MIEF1: variants seen among roughly 807,000 people sequenced by gnomAD.
MIEF1 encodes mitochondrial elongation factor 1.
MIEF1 carries 14 observed loss-of-function variants against 35.1 expected under a neutral mutation model. The observed-to-expected ratio is 0.40, with a 90% confidence interval of 0.26 to 0.62. The LOEUF is 0.62. Among genes scored for constraint, MIEF1 ranks in the 20% least tolerant of loss-of-function variants. MIEF1 has a pLI of 0.43. For missense variants in MIEF1, 542 were observed against 615.4 expected, an observed-to-expected ratio of 0.88 and a Z score of 1.26; for synonymous variants, 245 against 254.3, an observed-to-expected ratio of 0.96 and a Z score of 0.35.
Position 39,511,366 on chromosome 22 carries a change from C to A in MIEF1, c.72C>A (p.Leu24=), listed in dbSNP as rs758834209. 4 of 1,612,760 alleles carry A rather than the reference C, an allele frequency of 2.5e-6. No individual in the cohort carries two copies. The East Asian group carries it at 8.9e-5, about 36-fold the overall frequency. ...TTGGCACGGCCATTGACTTTGTGCT[C>A]TCCAATGCCCGGCTGGTGCTGGGGG... The part of the protein sequence containing the change: ...NGIGTAIDFV[L]SNARLVLGVG... The change falls in exon 3 of 6, where the codon CTC becomes CTA. Residue 24 remains leucine, a synonymous_variant. Transcript: ENST00000325301.
chr22:39,507,669 G>C (rs1408289665), intron 2 of MIEF1, among the ~76,000 whole-genome samples: 1 of 151,794 alleles, frequency 6.6e-6, no homozygotes, highest in African/African-American at 2.4e-5. Flanking sequence ...TTCGAGACCA[G>C]CCTGGCCAAC....
rs183838689 is a variant in MIEF1 at position 39,509,782 on chromosome 22, A to G, written c.-7-1506A>G. On this transcript the variant is annotated intron_variant, in intron 2 of 5. Transcript: ENST00000325301. ...GTCCATGGAGGGACCTTTCTCACAT[A>G]TGGACGTGTAGTTTCAGTTCCGTGT... 4.8e-4 allele frequency among the ~76,000 whole-genome samples: 73 copies of G among 152,334 alleles called. 1 individual carries two copies. Among genetic ancestry groups the G allele is most frequent in the East Asian group, 4.0e-3 (21 of 5,190 alleles).
chr22:39,514,381 C>G lies in MIEF1; in HGVS notation c.*58C>G. 2.6e-6 allele frequency: 4 copies of G among 1,563,544 alleles called. No homozygotes were observed. The highest frequency in any genetic ancestry group is 1.7e-6 in the Non-Finnish European group (2 of 1,146,758). ...CAGGCCCTGGATTCTCCGTTAGATACACTTGGCTACCTAGTTGGTGCCTCA... is the reference window on the plus strand; with the variant it reads ...CAGGCCCTGGATTCTCCGTTAGATAGACTTGGCTACCTAGTTGGTGCCTCA... On this transcript the variant is annotated 3_prime_UTR_variant, in exon 6 of 6. Coordinates refer to ENST00000325301, the MANE Select transcript of MIEF1 (RefSeq NM_019008.6).
chr22:39,505,578 G>A (rs1929974249), intron 2 of MIEF1, among the ~76,000 whole-genome samples: 1 of 152,146 alleles, frequency 6.6e-6, no homozygotes, highest in Non-Finnish European at 1.5e-5. Context: ...GTTGAGGCTG[G>A]GCCTGGTCTG....
At chr22:39,500,704 CT>C (rs1319749373), upstream of MIEF1, among the ~76,000 whole-genome samples, 1 of 151,030 alleles carries the variant, frequency 6.6e-6, no homozygotes, top group African/African-American at 2.4e-5. Context: ...TTTTCTTTTT[CT>C]TTTTTTTGAG....
In MIEF1 at chr22:39,502,346, C is replaced by T. The variant is rs1011635500; in HGVS notation, c.-431C>T. 6.6e-6 allele frequency: 1 copy of T among 152,346 alleles called. No individual in the cohort carries two copies. Among genetic ancestry groups the T allele is most frequent in the African/African-American group, 2.4e-5 (1 of 41,462 alleles). The allele number at this position is 152,346 out of a possible 1,614,324, so 9.4% of individuals were successfully genotyped here. A position where few individuals can be genotyped will look rare whatever the true frequency, so the allele number is the denominator to read the frequency against. On this transcript the variant is annotated 5_prime_UTR_variant, in exon 1 of 6. Coordinates refer to ENST00000325301, the MANE Select transcript of MIEF1 (RefSeq NM_019008.6). ...CAGCTCCGTGCGCAAGGTCGTGTCC[C>T]GGAAGTGAAGGGGCCATGTTGATGG... is the stretch of plus-strand genomic sequence containing the variant.
Position 39,514,083 on chromosome 22 carries a change from G to C in MIEF1, c.1152G>C (p.Gln384His), listed in dbSNP as rs1930524517. The change falls in exon 6 of 6, where the codon CAG becomes CAC. Residue 384 changes from glutamine (Q) to histidine (H), a missense_variant. Transcript: ENST00000325301. ...CTCTGGGCCACCTCACTGCCAGCCAGCTAACCAATGTCATCCTCCACTTGG... is the reference window on the plus strand; with the variant it reads ...CTCTGGGCCACCTCACTGCCAGCCACCTAACCAATGTCATCCTCCACTTGG... ...TPALGHLTAS[Q>H]LTNVILHLAQ... is the part of the protein sequence containing the mutation. 1 of 1,614,016 alleles carries C rather than the reference G, an allele frequency of 6.2e-7. No homozygotes were observed. Among genetic ancestry groups the C allele is most frequent in the African/African-American group, 1.3e-5 (1 of 74,934 alleles).
At position 39,517,499 on chromosome 22, in the gene MIEF1, T is replaced by C. The variant is rs1246436934; in HGVS notation, c.*3176T>C. ...ACTCCACTCAAGTTGAGAGTTCAAA[T>C]AGTCTTGAAGGGGAATCAGCTTCAG... On this transcript the variant is annotated 3_prime_UTR_variant, in exon 6 of 6. Transcript: ENST00000325301. The C allele has an allele frequency of 2.1e-6, 1 of 470,832 alleles. No homozygotes were observed. The highest frequency in any genetic ancestry group is 1.6e-5 in the South Asian group (1 of 64,516). 29.2% of individuals were successfully genotyped at this position (470,832 alleles called of 1,614,324 possible).
At chr22:39,501,377 C>T (rs754426352), upstream of MIEF1, among the ~76,000 whole-genome samples, 2 of 152,228 alleles carry the variant, frequency 1.3e-5, no homozygotes, top group Non-Finnish European at 1.5e-5. Flanking sequence ...GTAGATATTA[C>T]CTTTTAATCC....
chr22:39,514,134 G>A lies in MIEF1; in HGVS notation c.1203G>A (p.Pro401=), dbSNP rs777865915. ...HLAQEEADWS[P]DMLADRFLQA... ...CCCAGGAGGAGGCTGACTGGTCTCCGGATATGCTGGCCGACCGTTTCCTGC... is the reference window on the plus strand; with the variant it reads ...CCCAGGAGGAGGCTGACTGGTCTCCAGATATGCTGGCCGACCGTTTCCTGC... Residue 401 remains proline, a synonymous_variant, in exon 6 of 6, where the codon CCG becomes CCA. Coordinates refer to ENST00000325301, the MANE Select transcript of MIEF1 (RefSeq NM_019008.6). 34 of 1,614,076 alleles carry A rather than the reference G, an allele frequency of 2.1e-5. No individual in the cohort carries two copies. Among genetic ancestry groups the A allele is most frequent in the South Asian group, 7.7e-5 (7 of 91,088 alleles).
chr22:39,511,077 A>C (rs2232086), intron 2 of MIEF1, among the ~76,000 whole-genome samples: 1 of 152,240 alleles, frequency 6.6e-6, no homozygotes, highest in South Asian at 2.1e-4. Flanking sequence ...TTTTCCTACA[A>C]TACCCAAGAT....
rs1376491682 is a variant in MIEF1 at position 39,512,240 on chromosome 22, TG to T, written c.332del (p.Cys111SerfsTer14). On this transcript the variant is annotated frameshift_variant, in exon 5 of 6. Coordinates refer to ENST00000325301, the MANE Select transcript of MIEF1 (RefSeq NM_019008.6). LOFTEE classifies it high-confidence loss of function. ...DSSTFDTDTF[C>X]PPRPKPVARK... ...CTCTCTTGCCTTGGCAGATACATTC[TG>T]CCCGCCCCGGCCCAAGCCAGTGGCC... 6.2e-7 allele frequency: 1 copy of T among 1,612,516 alleles called. No individual in the cohort carries two copies. Among genetic ancestry groups the T allele is most frequent in the Non-Finnish European group, 8.5e-7 (1 of 1,179,978 alleles).
At chr22:39,508,919 T>C (rs964153904) in intron 2 of MIEF1, among the ~76,000 whole-genome samples, 3 of 152,214 alleles carry the variant, frequency 2.0e-5, no homozygotes, top group Non-Finnish European at 2.9e-5. Flanking sequence ...GAGCGTAAGA[T>C]GTGGAAGCTA....
At position 39,515,609 on chromosome 22, in the gene MIEF1, T is replaced by C. The variant is rs1930624095; in HGVS notation, c.*1286T>C. ...GGGGAGGAGGTGGGCATTTCCTACATTCCTCCTTGTTTGCCGCTGCTGAGA... is the reference window on the plus strand; with the variant it reads ...GGGGAGGAGGTGGGCATTTCCTACACTCCTCCTTGTTTGCCGCTGCTGAGA... On this transcript the variant is annotated 3_prime_UTR_variant, in exon 6 of 6. Transcript: ENST00000325301. 2 of 494,950 alleles carry C rather than the reference T, an allele frequency of 4.0e-6. No individual in the cohort carries two copies. Among genetic ancestry groups the C allele is most frequent in the South Asian group, 6.5e-5 (2 of 30,786 alleles). The allele number at this position is 494,950 out of a possible 1,614,324, so 30.7% of individuals were successfully genotyped here. A position where few individuals can be genotyped will look rare whatever the true frequency, so the allele number is the denominator to read the frequency against.
In MIEF1 at chr22:39,517,522, C is replaced by T. The variant is rs552073093; in HGVS notation, c.*3199C>T. ...AATAGTCTTGAAGGGGAATCAGCTTCAGGATGGAAGGACCCAGGAGAGGCC... is the reference window on the plus strand; with the variant it reads ...AATAGTCTTGAAGGGGAATCAGCTTTAGGATGGAAGGACCCAGGAGAGGCC... On this transcript the variant is annotated 3_prime_UTR_variant, in exon 6 of 6. Transcript: ENST00000325301. The T allele has an allele frequency of 2.1e-6, 1 of 471,096 alleles. No individual in the cohort carries two copies. The highest frequency in any genetic ancestry group is 6.9e-5 in the East Asian group (1 of 14,398). The allele number at this position is 471,096 out of a possible 1,614,324, so 29.2% of individuals were successfully genotyped here.
Position 39,514,015 on chromosome 22 carries a change from C to T in MIEF1, c.1084C>T (p.Leu362=). 1 of 1,613,608 alleles carries T rather than the reference C, an allele frequency of 6.2e-7. No homozygotes were observed. Among genetic ancestry groups the T allele is most frequent in the Non-Finnish European group, 8.5e-7 (1 of 1,180,036 alleles). Reference sequence around the variant, plus strand: ...CCAGGCTGACTCGGGCTGCCGATCTCTGTGCCTCAAGATCCTCAAGGCCAT... The same window carrying T: ...CCAGGCTGACTCGGGCTGCCGATCTTTGTGCCTCAAGATCCTCAAGGCCAT... The part of the protein sequence containing the change: ...LDQADSGCRS[L]CLKILKAICK... Residue 362 remains leucine (L), a synonymous_variant, in exon 6 of 6, where the codon CTG becomes TTG. Transcript: ENST00000325301.
At chr22:39,511,749 A>T in intron 3 of MIEF1, 100 bp from the exon 4 acceptor site, 1 of 1,434,826 alleles carries the variant, frequency 7.0e-7, no homozygotes, top group African/African-American at 1.4e-5. Flanking sequence ...CAAAATTACT[A>T]AAAGAACTTA....
chr22:39,503,339 C>T (rs1929851481), intron 1 of MIEF1: 1 of 152,174 alleles, frequency 6.6e-6, no homozygotes, highest in Non-Finnish European at 1.5e-5. Flanking sequence ...AGACATGCTT[C>T]GAACATTGCA....
intron 2 of MIEF1, among the ~76,000 whole-genome samples, chr22:39,506,073 G>A (rs186701806): frequency 6.6e-5 from 10 of 152,298 alleles, no homozygotes; most frequent in Admixed American, 3.3e-4. Flanking sequence ...GTTGGCTAGC[G>A]GATCTAGGAG....
Sources: allele counts gnomAD v4.1 joint callset (sites outside exome capture counted in the v4.1 genomes callset), GRCh38; gene constraint gnomAD v4.1.1; transcripts MANE v1.5; gene names NCBI Gene and HGNC (gene_info 2026-07-23, HGNC 2026-07-21).